ANKRD13D: variants seen among roughly 807,000 people sequenced by gnomAD.
ANKRD13D encodes ankyrin repeat domain-containing protein 13D.
ANKRD13D carries 24 observed loss-of-function variants against 68.8 expected under a neutral mutation model. That is an observed-to-expected ratio of 0.35 (90% CI 0.25 to 0.49). The LOEUF (loss-of-function observed/expected upper bound fraction) is 0.49. ANKRD13D is among the 20% of genes least tolerant of loss of function. ANKRD13D has a pLI of 0.99. For missense variants in ANKRD13D, 735 were observed against 832.1 expected, an observed-to-expected ratio of 0.88 and a Z score of 1.44; for synonymous variants, 331 against 336.1, an observed-to-expected ratio of 0.98 and a Z score of 0.16.
chr11:67,289,621 G>GCACCCCCC, intron 1 of ANKRD13D, 71 bp downstream of exon 1: 1 of 807,414 alleles, frequency 1.2e-6, no homozygotes, highest in Non-Finnish European at 1.6e-6. Flanking sequence ...CCGTCCTGGA[G>GCACCCCCC]CCCCCCCCCC....
chr11:67,302,025 C>G (rs1003223300), intron 14 of ANKRD13D, 94 bp from the exon 15 acceptor site: 1 of 1,434,548 alleles, frequency 7.0e-7, no homozygotes, highest in East Asian at 2.5e-5. Context: ...CTGTCTTTGC[C>G]TTTGTCCTCC....
chr11:67,291,161 C>G (rs940111221), intron 3 of ANKRD13D: 2 of 324,108 alleles, frequency 6.2e-6, no homozygotes, highest in Admixed American at 4.8e-5. Context: ...AGGTGGAGAC[C>G]AGCCTGGGCA....
Position 67,301,675 on chromosome 11 carries a change from C to T in ANKRD13D, c.1512+24C>T, listed in dbSNP as rs763312380. On this transcript the variant is annotated intron_variant, in intron 13 of 14. Transcript: ENST00000511455. The surrounding 1 kb of genome is among the most constrained non-coding windows in gnomAD (Gnocchi z 4.5). ...AGGTGGGACTTGCCCAGGGGGTGGG[C>T]TCTGGCCTCTGCAGCCACACGGCAG... The T allele has an allele frequency of 5.6e-6, 9 of 1,610,720 alleles. No homozygotes were observed. In the South Asian group the frequency reaches 6.6e-5, roughly 12 times the overall value.
At chr11:67,290,575 G>A in intron 3 of ANKRD13D, 129 bp downstream of exon 3, 1 of 1,386,530 alleles carries the variant, frequency 7.2e-7, no homozygotes, top group East Asian at 2.5e-5. Flanking sequence ...AAGGAGGTCT[G>A]TCTATCTTGA....
In ANKRD13D at chr11:67,302,427, G is replaced by C. The variant is rs770033607; in HGVS notation, c.*95G>C. 11 of 1,424,316 alleles carry C rather than the reference G, an allele frequency of 7.7e-6. No homozygotes were observed. Among genetic ancestry groups the C allele is most frequent in the Non-Finnish European group, 1.0e-5 (11 of 1,081,484 alleles). The allele number at this position is 1,424,316 out of a possible 1,614,324, so 88.2% of individuals were successfully genotyped here. Reference sequence around the variant, plus strand: ...TCTGCTGCTGAGCTTGGGGCCTGGAGCCCCAGGAATGAGCAGGCAGGGGAG... The same window carrying C: ...TCTGCTGCTGAGCTTGGGGCCTGGACCCCCAGGAATGAGCAGGCAGGGGAG... On this transcript the variant is annotated 3_prime_UTR_variant, in exon 15 of 15. Coordinates refer to ENST00000511455, the MANE Select transcript of ANKRD13D (RefSeq NM_207354.3).
chr11:67,293,143 TTC>T (rs1345293152), intron 6 of ANKRD13D, among the ~76,000 whole-genome samples: 1 of 152,202 alleles, frequency 6.6e-6, no homozygotes, highest in African/African-American at 2.4e-5. Flanking sequence ...ATGTTTTAAT[TTC>T]TCTTTCATAT....
chr11:67,290,070 T>C lies in ANKRD13D; in HGVS notation c.91-8T>C. The C allele has an allele frequency of 6.5e-7, 1 of 1,536,022 alleles. No homozygotes were observed. The highest frequency in any genetic ancestry group is 8.7e-7 in the Non-Finnish European group (1 of 1,146,340). Reference sequence around the variant, plus strand: ...TCCTGCCCTTTGTGAGTGTCCCGTCTCCCCCAGCACGACATTGAACAGGAG... The same window carrying C: ...TCCTGCCCTTTGTGAGTGTCCCGTCCCCCCCAGCACGACATTGAACAGGAG... On this transcript the variant is annotated splice_region_variant and splice_polypyrimidine_tract_variant and intron_variant, in intron 1 of 14. Transcript: ENST00000511455.
chr11:67,297,042 C>T (rs1860779816), intron 6 of ANKRD13D, among the ~76,000 whole-genome samples: 1 of 152,070 alleles, frequency 6.6e-6, no homozygotes, highest in African/African-American at 2.4e-5. Context: ...TTTTTCTATT[C>T]TCTATTTCAT....
In ANKRD13D at chr11:67,290,306, AGCCT is replaced by A. The variant is rs1860480486; in HGVS notation, c.227-14_227-11del. ...GGTCATCTGGAGGGCTCCCCTCAGC[AGCCT>A]GGTGCCCGCAGTCCTGCAGGAGGCA... On this transcript the variant is annotated splice_polypyrimidine_tract_variant and intron_variant, in intron 2 of 14. Transcript: ENST00000511455. 3 of 1,548,738 alleles carry A rather than the reference AGCCT, an allele frequency of 1.9e-6. No individual in the cohort carries two copies. In the African/African-American group the frequency reaches 4.1e-5, roughly 21 times the overall value.
intron 6 of ANKRD13D, among the ~76,000 whole-genome samples, chr11:67,296,815 T>G (rs967677374): frequency 5.3e-5 from 8 of 152,024 alleles, no homozygotes; most frequent in Non-Finnish European, 1.0e-4. Context: ...AGAGATGTGG[T>G]CTCACTATGT....
chr11:67,290,593 C>A, intron 3 of ANKRD13D, 147 bp downstream of exon 3: 1 of 1,275,856 alleles, frequency 7.8e-7, no homozygotes, highest in Non-Finnish European at 1.1e-6. Flanking sequence ...TGACCCCAGC[C>A]CAGGGTCACG....
At chr11:67,295,419 A>G (rs1324689115) in intron 6 of ANKRD13D, among the ~76,000 whole-genome samples, 2 of 148,994 alleles carry the variant, frequency 1.3e-5, no homozygotes, top group African/African-American at 2.5e-5. Flanking sequence ...TCCATCTCAA[A>G]AAAAAAGGGG....
Position 67,302,427 on chromosome 11 carries a change from GC to G in ANKRD13D, c.*99del. 2 of 1,424,316 alleles carry G rather than the reference GC, an allele frequency of 1.4e-6. No individual in the cohort carries two copies. Among genetic ancestry groups the G allele is most frequent in the Non-Finnish European group, 1.8e-6 (2 of 1,081,484 alleles). The allele number at this position is 1,424,316 out of a possible 1,614,324, so 88.2% of individuals were successfully genotyped here. ...TCTGCTGCTGAGCTTGGGGCCTGGA[GC>G]CCCAGGAATGAGCAGGCAGGGGAGA... is the stretch of plus-strand genomic sequence containing the variant. On this transcript the variant is annotated 3_prime_UTR_variant, in exon 15 of 15. Transcript: ENST00000511455.
Position 67,302,290 on chromosome 11 carries a change from G to C in ANKRD13D, c.1776G>C (p.Glu592Asp). 2 of 1,560,336 alleles carry C rather than the reference G, an allele frequency of 1.3e-6. No individual in the cohort carries two copies. Among genetic ancestry groups the C allele is most frequent in the Admixed American group, 1.9e-5 (1 of 52,654 alleles). Reference protein sequence around the residue: ...ERERRGQQEEEDLQRILQLSL... With the variant: ...ERERRGQQEEDDLQRILQLSL... ...AGCGGCGCGGGCAGCAGGAGGAGGA[G>C]GACTTACAGCGGATCCTGCAGCTGT... is the stretch of plus-strand genomic sequence containing the variant. The change falls in exon 15 of 15, where the codon GAG becomes GAC. Residue 592 changes from glutamate (E) to aspartate (D), a missense_variant. Coordinates refer to ENST00000511455, the MANE Select transcript of ANKRD13D (RefSeq NM_207354.3).
rs558990461 is a variant in ANKRD13D at position 67,291,667 on chromosome 11, G to A, written c.462G>A (p.Leu154=). 6 of 1,614,142 alleles carry A rather than the reference G, an allele frequency of 3.7e-6. No individual in the cohort carries two copies. The highest frequency in any genetic ancestry group is 1.7e-5 in the Admixed American group (1 of 60,036). Residue 154 remains leucine (L), a synonymous_variant, in exon 5 of 15, where the codon CTG becomes CTA. Coordinates refer to ENST00000511455, the MANE Select transcript of ANKRD13D (RefSeq NM_207354.3). ...GCGTGTGGAAGCGGGGTGAGAGCCT[G>A]CGAGTAGACACCAGTCTCCTGGGCT... is the stretch of plus-strand genomic sequence containing the variant. ...VYRVWKRGES[L]RVDTSLLGFE...
chr11:67,293,960 A>G (rs975337507), intron 6 of ANKRD13D, among the ~76,000 whole-genome samples: 1 of 152,208 alleles, frequency 6.6e-6, no homozygotes, highest in Non-Finnish European at 1.5e-5. Context: ...GTGACTATCC[A>G]GTTGTCCTAG....
intron 6 of ANKRD13D, among the ~76,000 whole-genome samples, chr11:67,294,652 T>A (rs1022770342): frequency 1.8e-4 from 28 of 151,948 alleles, no homozygotes; most frequent in African/African-American, 6.8e-4. Flanking sequence ...GCAGTTCTCC[T>A]GCCTCAGCCT....
chr11:67,289,890 G>A, intron 1 of ANKRD13D, 188 bp from the exon 2 acceptor site: 1 of 1,434,482 alleles, frequency 7.0e-7, no homozygotes, highest in Non-Finnish European at 9.1e-7. Flanking sequence ...CCAGACCCCG[G>A]CTCTGCCCCT....
At position 67,301,086 on chromosome 11, in the gene ANKRD13D, C is replaced by T. The variant is rs774738435; in HGVS notation, c.1170C>T (p.His390=). 11 of 1,614,104 alleles carry T rather than the reference C, an allele frequency of 6.8e-6. No homozygotes were observed. Among genetic ancestry groups the T allele is most frequent in the Non-Finnish European group, 9.3e-6 (11 of 1,180,038 alleles). ...IIDLMAISNA[H]FAKLRDFITL... ...ACCTAATGGCCATCAGCAACGCTCACTTTGCCAAGCTGCGCGACTTCATCA... is the reference window on the plus strand; with the variant it reads ...ACCTAATGGCCATCAGCAACGCTCATTTTGCCAAGCTGCGCGACTTCATCA... Residue 390 remains histidine (H), a synonymous_variant, in exon 11 of 15, where the codon CAC becomes CAT. Coordinates refer to ENST00000511455, the MANE Select transcript of ANKRD13D (RefSeq NM_207354.3). This position sits in a 1 kb window ranked among gnomAD's most constrained non-coding sequence, Gnocchi z 4.5.
Sources: allele counts gnomAD v4.1 joint callset (sites outside exome capture counted in the v4.1 genomes callset), GRCh38; gene constraint gnomAD v4.1.1; non-coding constraint Gnocchi (gnomAD v3.1); transcripts MANE v1.5; gene names NCBI Gene and HGNC (gene_info 2026-07-23, HGNC 2026-07-21).